PTPRD: variants seen among roughly 807,000 people sequenced by gnomAD.
PTPRD encodes protein tyrosine phosphatase receptor type D, also known as receptor-type tyrosine-protein phosphatase delta.
PTPRD carries 34 observed loss-of-function variants against 214.5 expected under a neutral mutation model. The observed-to-expected ratio is 0.16, with a 90% CI of 0.12 to 0.21. PTPRD has a LOEUF of 0.21. Ranked by LOEUF, PTPRD falls within the 10% of genes least tolerant of loss-of-function variation. The probability of loss-of-function intolerance (pLI) is 1.00; values close to 1 mark genes in which losing one functional copy is unlikely to be tolerated. For missense variants in PTPRD, 2,545 were observed against 2,398.7 expected (o/e 1.06, Z -1.27); for synonymous variants, 1,128 against 845.7 (o/e 1.33, Z -5.79).
chr9:8,384,224 T>C (rs1308970787), intron 37 of PTPRD, among the ~76,000 whole-genome samples: 1 of 152,192 alleles, frequency 6.6e-6, no homozygotes, highest in African/African-American at 2.4e-5. Context: ...ACAAAATGCT[T>C]CATTTTTTCC....
chr9:8,363,666 G>C (rs1245024108), intron 39 of PTPRD, among the ~76,000 whole-genome samples: 3 of 152,206 alleles, frequency 2.0e-5, no homozygotes, highest in Admixed American at 1.3e-4. Context: ...CAGTGAGAAA[G>C]AAATTAATAA....
chr9:9,878,222 G>C (rs972139301), intron 5 of PTPRD, among the ~76,000 whole-genome samples: 1 of 152,170 alleles, frequency 6.6e-6, no homozygotes, highest in Non-Finnish European at 1.5e-5. Flanking sequence ...GTATCACGCA[G>C]AAAGACATTC....
intron 11 of PTPRD, among the ~76,000 whole-genome samples, chr9:8,759,498 T>A (rs1454457736): frequency 1.3e-5 from 2 of 152,220 alleles, no homozygotes; most frequent in African/African-American, 4.8e-5. Flanking sequence ...CTGTGAGACC[T>A]GACAATACAC....
chr9:9,343,475 TG>T (rs1304169796), intron 9 of PTPRD, among the ~76,000 whole-genome samples: 3 of 152,182 alleles, frequency 2.0e-5, no homozygotes, highest in African/African-American at 7.2e-5. Context: ...TAATGACCAG[TG>T]ATGATGAGCT....
At chr9:8,939,271 C>T (rs1368687) in intron 11 of PTPRD, among the ~76,000 whole-genome samples, 42,350 of 151,938 alleles carry the variant, frequency 0.28, 6,724 homozygotes, top group Non-Finnish European at 0.36. Flanking sequence ...CATTTAAATT[C>T]TATGTTCTGA....
rs1436237716 is a variant in PTPRD at position 8,884,809 on chromosome 9, C to G, written c.-104+133888G>C. On this transcript the variant is annotated intron_variant, in intron 11 of 45. Coordinates refer to ENST00000381196, the MANE Select transcript of PTPRD (RefSeq NM_002839.4). ...ATTCTTTGTTTATGAACCATTCATT[C>G]ATTTCACAAGTATCTGTGGAGGGCC... is the stretch of plus-strand genomic sequence containing the variant. Among the ~76,000 whole-genome samples, 5 of 152,192 alleles carry G rather than the reference C, an allele frequency of 3.3e-5. No individual in the cohort carries two copies. The East Asian group carries it at 7.7e-4, about 23-fold the overall frequency.
In PTPRD at chr9:8,735,152, G is replaced by T. The variant is rs200028149; in HGVS notation, c.-103-1206C>A. On this transcript the variant is annotated intron_variant, in intron 11 of 45. Transcript: ENST00000381196. The stretch of plus-strand genomic sequence containing the variant: ...GGTTTTTTTTTGTTTTTTTTTTTCT[G>T]TTTTTTTTTTTGAGACAGTCTCACT... 8.0e-3 allele frequency among the ~76,000 whole-genome samples: 992 copies of T among 124,550 alleles called. 4 individuals are homozygous for T. The highest frequency in any genetic ancestry group is 0.012 in the Middle Eastern group (3 of 250). 81.7% of individuals were successfully genotyped at this position (124,550 alleles called of 152,430 possible).
At chr9:10,489,265 G>T (rs1200012444) in intron 2 of PTPRD, among the ~76,000 whole-genome samples, 1 of 152,116 alleles carries the variant, frequency 6.6e-6, no homozygotes, top group African/African-American at 2.4e-5. Context: ...AAGAGCTAGG[G>T]CCTGGAAAGG....
chr9:9,860,049 C>G (rs2062385126), intron 5 of PTPRD, among the ~76,000 whole-genome samples: 1 of 152,170 alleles, frequency 6.6e-6, no homozygotes, highest in African/African-American at 2.4e-5. Flanking sequence ...TTAAAAATAA[C>G]TGTTTAGTAA....
chr9:9,767,402 A>G (rs1250559589), intron 5 of PTPRD, among the ~76,000 whole-genome samples: 2 of 152,070 alleles, frequency 1.3e-5, no homozygotes, highest in Non-Finnish European at 2.9e-5. Flanking sequence ...AGATTTAAAT[A>G]TGTTCTAATG....
chr9:9,244,562 T>G (rs1187590298), intron 9 of PTPRD, among the ~76,000 whole-genome samples: 4 of 152,052 alleles, frequency 2.6e-5, no homozygotes, highest in African/African-American at 9.7e-5. Flanking sequence ...AACAAATGGT[T>G]ATGGGAAAAC....
intron 6 of PTPRD, among the ~76,000 whole-genome samples, chr9:9,747,263 T>C (rs1476614796): frequency 6.6e-6 from 1 of 152,032 alleles, no homozygotes; most frequent in Non-Finnish European, 1.5e-5. Context: ...CTGTTCAGGC[T>C]CATGATTTCC....
chr9:8,570,229 C>G (rs745945842), intron 14 of PTPRD, among the ~76,000 whole-genome samples: 3 of 151,990 alleles, frequency 2.0e-5, no homozygotes, highest in Non-Finnish European at 4.4e-5. Context: ...CAGTAATGGT[C>G]ATAATAAATA....
intron 7 of PTPRD, among the ~76,000 whole-genome samples, chr9:9,717,145 A>C (rs561917144): frequency 9.9e-5 from 15 of 152,134 alleles, no homozygotes. Context: ...AGGTTTGTCA[A>C]AGATCAGATA....
At chr9:10,390,009 A>G (rs1312594733) in intron 2 of PTPRD, among the ~76,000 whole-genome samples, 1 of 151,808 alleles carries the variant, frequency 6.6e-6, no homozygotes, top group African/African-American at 2.4e-5. Flanking sequence ...TGAGCTCAAG[A>G]TAATTTTCTG....
chr9:10,084,933 A>G (rs949879060), intron 3 of PTPRD, among the ~76,000 whole-genome samples: 1 of 151,962 alleles, frequency 6.6e-6, no homozygotes, highest in African/African-American at 2.4e-5. Context: ...TCTCGTAGAT[A>G]AAAACACACA....
chr9:10,422,549 A>C (rs1336160836), intron 2 of PTPRD, among the ~76,000 whole-genome samples: 1 of 152,118 alleles, frequency 6.6e-6, no homozygotes, highest in Non-Finnish European at 1.5e-5. Context: ...AAATTTTTGC[A>C]ATCTACCCAT....
At chr9:9,062,673 G>C (rs144999687) in intron 10 of PTPRD, among the ~76,000 whole-genome samples, 2 of 152,220 alleles carry the variant, frequency 1.3e-5, no homozygotes, top group East Asian at 1.9e-4. Flanking sequence ...GTATGTTTCA[G>C]TGGGTAAATA....
chr9:9,960,537 G>C (rs2382087), intron 4 of PTPRD, among the ~76,000 whole-genome samples: 1 of 151,870 alleles, frequency 6.6e-6, no homozygotes, highest in Non-Finnish European at 1.5e-5. Context: ...ATCAAGGCCA[G>C]TATCAATATG....
Sources: gnomAD v4.1 joint callset for allele counts (sites outside exome capture counted in the v4.1 genomes callset) on GRCh38, gnomAD v4.1.1 for gene constraint, MANE v1.5 for transcripts, NCBI Gene and HGNC (gene_info 2026-07-23, HGNC 2026-07-21) for gene names.